NLRP12: variants seen among roughly 807,000 people sequenced by gnomAD.
NLRP12 encodes NLR family pyrin domain containing 12, also known as NACHT, LRR and PYD domains-containing protein 12.
In NLRP12, 108 loss-of-function variants were observed where a neutral mutation model predicts 91.2. That is an observed-to-expected ratio of 1.18 (90% CI 1.01 to 1.39). The LOEUF is 1.39. Ranked by LOEUF, NLRP12 falls within the 40% of genes most tolerant of loss-of-function variation. NLRP12 has a pLI of 0.00. For missense variants in NLRP12, 1,530 were observed against 1,352.7 expected, an observed-to-expected ratio of 1.13 and a Z score of -2.06; for synonymous variants, 613 against 566.7, an observed-to-expected ratio of 1.08 and a Z score of -1.16.
chr19:53,808,556 C>G (rs2092000266), intron 3 of NLRP12: 1 of 151,850 alleles, frequency 6.6e-6, no homozygotes, highest in Non-Finnish European at 1.5e-5. Flanking sequence ...TAAAAAAATA[C>G]AAAAATTAGC....
At chr19:53,795,656 G>C (rs941682057) in intron 9 of NLRP12, among the ~76,000 whole-genome samples, 2 of 151,820 alleles carry the variant, frequency 1.3e-5, no homozygotes, top group African/African-American at 4.9e-5. Flanking sequence ...TTATAGGTGT[G>C]AGCCACCGCG....
At chr19:53,819,457 A>ATGTGTGTGTG (rs1208045764) in intron 1 of NLRP12, among the ~76,000 whole-genome samples, 88 of 4,584 alleles carry the variant, frequency 0.019, 19 homozygotes, top group Non-Finnish European at 0.028. Flanking sequence ...ATATATATAT[A>ATGTGTGTGTG]TGTGTGTGTG....
intron 2 of NLRP12, 96 bp downstream of exon 2, chr19:53,814,812 G>A (rs897428694): frequency 3.1e-5 from 30 of 961,930 alleles, no homozygotes; most frequent in Admixed American, 5.1e-5. Context: ...TCCACCCCAC[G>A]AATTCCTCAA....
Position 53,811,168 on chromosome 19 carries a change from T to G in NLRP12, c.491A>C (p.Lys164Thr). 1 of 1,614,124 alleles carries G rather than the reference T, an allele frequency of 6.2e-7. No homozygotes were observed. The highest frequency in any genetic ancestry group is 8.5e-7 in the Non-Finnish European group (1 of 1,180,022). Residue 164 changes from lysine (K) to threonine (T), a missense_variant, in exon 3 of 10, where the codon AAG becomes ACG. By Grantham distance (78) the Lys-to-Thr change is moderately conservative. Coordinates refer to ENST00000324134, the MANE Select transcript of NLRP12 (RefSeq NM_144687.4). ...GACCTGCATGGGGTTTGAGTGCTCC[T>G]TCACCAGCAGGAGCCGGGTGTACCG... Reference protein sequence around the residue: ...SHRYTRLLLVKEHSNPMQVQQ... With the variant: ...SHRYTRLLLVTEHSNPMQVQQ...
intron 1 of NLRP12, 88 bp from the exon 2 acceptor site, chr19:53,815,076 C>T: frequency 1.0e-6 from 1 of 982,918 alleles, no homozygotes; most frequent in East Asian, 2.4e-5. Flanking sequence ...GAAATGCCTG[C>T]ATAACTCCCT....
At chr19:53,798,498 G>C in intron 7 of NLRP12, 85 bp from the exon 8 acceptor site, 1 of 1,378,872 alleles carries the variant, frequency 7.3e-7, no homozygotes, top group South Asian at 1.2e-5. Context: ...GCCCTGTGCT[G>C]GTTGCAGACA....
intron 1 of NLRP12, among the ~76,000 whole-genome samples, chr19:53,823,466 T>C (rs1312422507): frequency 7.6e-6 from 1 of 132,000 alleles, no homozygotes; most frequent in Non-Finnish European, 1.6e-5. Flanking sequence ...ATTTTAAATA[T>C]ATATTTAAAA....
Position 53,811,207 on chromosome 19 carries a change from A to T in NLRP12, c.452T>A (p.Val151Asp), listed in dbSNP as rs758516871. The T allele has an allele frequency of 6.2e-7, 1 of 1,613,990 alleles. No individual in the cohort carries two copies. Among genetic ancestry groups the T allele is most frequent in the Non-Finnish European group, 8.5e-7 (1 of 1,180,002 alleles). The change falls in exon 3 of 10, where the codon GTC becomes GAC. Residue 151 changes from valine to aspartate, a missense_variant. Val to Asp is a radical substitution (Grantham distance 152). Transcript: ENST00000324134. ...CCGGGTGTACCGGTGGCTGAGGTTG[A>T]CACATTCCCCTAGGCGCGCATTGCG... ...EDRNARLGEC[V>D]NLSHRYTRLL...
At chr19:53,806,948 T>C (rs2091969635) in intron 4 of NLRP12, among the ~76,000 whole-genome samples, 2 of 152,014 alleles carry the variant, frequency 1.3e-5, no homozygotes, top group African/African-American at 4.8e-5. Flanking sequence ...GGCAGTGATC[T>C]GCAGGCCCAG....
Position 53,811,086 on chromosome 19 carries a change from A to G in NLRP12, c.573T>C (p.Ala191=). Reference sequence around the variant, plus strand: ...AGAGGGTCTCTATCTTGATGGGGCTAGCCTGGTGTCCCACGGTCCTCGCGT... The same window carrying G: ...AGAGGGTCTCTATCTTGATGGGGCTGGCCTGGTGTCCCACGGTCCTCGCGT... ...RGHARTVGHQ[A]SPIKIETLFE... is the part of the protein sequence containing the mutation. Residue 191 remains alanine (A), a synonymous_variant, in exon 3 of 10, where the codon GCT becomes GCC. Coordinates refer to ENST00000324134, the MANE Select transcript of NLRP12 (RefSeq NM_144687.4). 1 of 1,613,778 alleles carries G rather than the reference A, an allele frequency of 6.2e-7. No homozygotes were observed. The highest frequency in any genetic ancestry group is 1.7e-5 in the Admixed American group (1 of 59,994).
At chr19:53,824,366 T>G, upstream of NLRP12, 1 of 619,106 alleles carries the variant, frequency 1.6e-6, no homozygotes. Context: ...CACTCTTCAG[T>G]TCCCTCCTGC....
chr19:53,798,388 C>A lies in NLRP12; in HGVS notation c.2782G>T (p.Ala928Ser), dbSNP rs762023965. 7.4e-6 allele frequency: 12 copies of A among 1,614,124 alleles called. No individual in the cohort carries two copies. Among genetic ancestry groups the A allele is most frequent in the Non-Finnish European group, 1.0e-5 (12 of 1,180,026 alleles). The change falls in exon 8 of 10, where the codon GCC (alanine) becomes TCC (serine). Residue 928 changes from alanine (A) to serine (S), a missense_variant. Physicochemically the swap from Ala to Ser is moderately conservative, Grantham distance 99. Transcript: ENST00000324134. Reference sequence around the variant, plus strand: ...ACCACAGAAAGACCCTCACAGGCGGCAGAGCCCAGCCGGCAGATGCCCAAC... The same window carrying A: ...ACCACAGAAAGACCCTCACAGGCGGAAGAGCCCAGCCGGCAGATGCCCAAC... ...LRLGICRLGS[A>S]ACEGLSVVLQ...
At position 53,793,984 on chromosome 19, in the gene NLRP12, G is replaced by C. The variant is rs1281919913; in HGVS notation, c.*65C>G. On this transcript the variant is annotated 3_prime_UTR_variant, in exon 10 of 10. Transcript: ENST00000324134. ...AGGAGGCTGATCATTATGCTGGGGG[G>C]GTGATGAGCACCCTCCCATCTTCCT... is the stretch of plus-strand genomic sequence containing the variant. The C allele has an allele frequency of 5.6e-6, 6 of 1,074,148 alleles. No individual in the cohort carries two copies. Among genetic ancestry groups the C allele is most frequent in the Non-Finnish European group, 7.3e-6 (5 of 687,182 alleles). The allele number at this position is 1,074,148 out of a possible 1,614,324, so 66.5% of individuals were successfully genotyped here.
At chr19:53,794,324 ATT>A (rs796563330) in intron 9 of NLRP12, among the ~76,000 whole-genome samples, 188 bp from the exon 10 acceptor site, 1 of 145,770 alleles carries the variant, frequency 6.9e-6, no homozygotes, top group African/African-American at 2.5e-5. Flanking sequence ...TAACTGCATA[ATT>A]TTTTTTTTTT....
At chr19:53,814,751 G>A (rs2092130925) in intron 2 of NLRP12, among the ~76,000 whole-genome samples, 157 bp downstream of exon 2, 1 of 152,186 alleles carries the variant, frequency 6.6e-6, no homozygotes, top group Non-Finnish European at 1.5e-5. Context: ...ACGTGGAAAG[G>A]TTGATGAGTT....
Position 53,810,700 on chromosome 19 carries a change from G to T in NLRP12, c.959C>A (p.Thr320Lys). Residue 320 changes from threonine (T) to lysine (K), a missense_variant, in exon 3 of 10, where the codon ACG (threonine) becomes AAG (lysine). Physicochemically the swap from Thr to Lys is moderately conservative, Grantham distance 78. Coordinates refer to ENST00000324134, the MANE Select transcript of NLRP12 (RefSeq NM_144687.4). ...AATTAAGCTGTTAAGAAGCAGCTCC[G>T]TGGGCCGTTTCTCCTCCCAGCAGAG... ...WCLCWEEKRP[T>K]ELLLNSLIRK... 1.2e-6 allele frequency: 2 copies of T among 1,614,030 alleles called. No homozygotes were observed. Among genetic ancestry groups the T allele is most frequent in the Non-Finnish European group, 1.7e-6 (2 of 1,180,036 alleles).
intron 1 of NLRP12, among the ~76,000 whole-genome samples, chr19:53,815,367 T>G (rs933143431): frequency 6.6e-6 from 1 of 151,590 alleles, no homozygotes; most frequent in Non-Finnish European, 1.5e-5. Flanking sequence ...TAGCTGGCAT[T>G]ACAGGTGTGC....
At chr19:53,804,917 C>G (rs551353762) in intron 5 of NLRP12, among the ~76,000 whole-genome samples, 221 of 152,044 alleles carry the variant, frequency 1.5e-3, no homozygotes, top group African/African-American at 5.0e-3. Context: ...GTAATCCCAG[C>G]TACTTGGGAG....
At chr19:53,804,149 G>C in intron 5 of NLRP12, 27 bp from the exon 6 acceptor site, 1 of 1,612,890 alleles carries the variant, frequency 6.2e-7, no homozygotes, top group Non-Finnish European at 8.5e-7. Flanking sequence ...GGTTGAAGGG[G>C]ACGCCATCTT....
Sources: gnomAD v4.1 joint callset for allele counts (sites outside exome capture counted in the v4.1 genomes callset) on GRCh38, gnomAD v4.1.1 for gene constraint, MANE v1.5 for transcripts, NCBI Gene and HGNC (gene_info 2026-07-23, HGNC 2026-07-21) for gene names.